UNC80: variants seen among roughly 807,000 people sequenced by gnomAD.
The protein encoded by UNC80 is protein unc-80 homolog.
In UNC80, 164 loss-of-function variants were observed where a neutral mutation model predicts 384.6. The observed-to-expected ratio is 0.43, with a 90% CI of 0.38 to 0.49. UNC80 has a LOEUF of 0.49. Ranked by LOEUF, UNC80 falls within the 20% of genes least tolerant of loss-of-function variation. The probability of loss-of-function intolerance (pLI) is 0.00; values close to 1 mark genes in which losing one functional copy is unlikely to be tolerated. For synonymous variants in UNC80, 1,486 were observed against 1,527.8 expected (o/e 0.97, Z 0.64); for missense variants, 3,330 against 4,143.0 (o/e 0.80, Z 5.39).
intron 47 of UNC80, among the ~76,000 whole-genome samples, chr2:209,949,079 T>A (rs2124987781): frequency 6.6e-6 from 1 of 152,334 alleles, no homozygotes; most frequent in South Asian, 2.1e-4. Flanking sequence ...CATTTTTCAG[T>A]ATTGCTAGAT....
Position 209,956,574 on chromosome 2 carries a change from A to T in UNC80, c.7458-1070A>T, listed in dbSNP as rs190676534. 8.6e-4 allele frequency among the ~76,000 whole-genome samples: 128 copies of T among 149,336 alleles called. 3 individuals carry two copies. The East Asian group carries it at 0.023, about 27-fold the overall frequency. ...GCATCTTGAATCCTTTTTTTTTTAA[A>T]TTTTTTAATTTTTTTTAAATTATAC... is the stretch of plus-strand genomic sequence containing the variant. On this transcript the variant is annotated intron_variant, in intron 48 of 64. Transcript: ENST00000673920.
chr2:209,804,450 CA>C (rs1314763657), intron 7 of UNC80, among the ~76,000 whole-genome samples: 3 of 152,148 alleles, frequency 2.0e-5, no homozygotes, highest in Admixed American at 2.0e-4. Flanking sequence ...TGCTTCCTGC[CA>C]GTAAAGTTTT....
At chr2:209,819,590 A>T (rs1307206447) in intron 12 of UNC80, among the ~76,000 whole-genome samples, 1 of 152,192 alleles carries the variant, frequency 6.6e-6, no homozygotes. Flanking sequence ...AAAATTCTTC[A>T]CTTATTTTAT....
chr2:209,917,915 A>G lies in UNC80; in HGVS notation c.5168A>G (p.Gln1723Arg). 1 of 1,551,722 alleles carries G rather than the reference A, an allele frequency of 6.4e-7. No homozygotes were observed. Among genetic ancestry groups the G allele is most frequent in the Non-Finnish European group, 8.7e-7 (1 of 1,146,990 alleles). Reference sequence around the variant, plus strand: ...CACACGCTCTGGAGGTTTCGCTATCAGGTCTGGCCCCGGATGGAGGAAGGG... The same window carrying G: ...CACACGCTCTGGAGGTTTCGCTATCGGGTCTGGCCCCGGATGGAGGAAGGG... ...KFHTLWRFRY[Q>R]VWPRMEEGAQ... Residue 1723 changes from glutamine to arginine, a missense_variant, in exon 32 of 65, where the codon CAG becomes CGG. Coordinates refer to ENST00000673920, the MANE Select transcript of UNC80 (RefSeq NM_001371986.1).
rs1208917100 is a variant in UNC80 at position 209,955,724 on chromosome 2, TATATATATATATATACACACACACAC to T, written c.7457+1456_7457+1481del. On this transcript the variant is annotated intron_variant, in intron 48 of 64. Transcript: ENST00000673920. The stretch of plus-strand genomic sequence containing the variant: ...ATATATATATATATATATATATATA[TATATATATATATATACACACACACAC>T]ACACACACAGAGAGAGACTGACTCA... Among the ~76,000 whole-genome samples, 250 of 80,846 alleles carry T rather than the reference TATATATATATATATACACACACACAC, an allele frequency of 3.1e-3. 6 individuals carry two copies. The highest frequency in any genetic ancestry group is 0.02 in the African/African-American group (237 of 11,718). The allele number at this position is 80,846 out of a possible 152,430, so 53.0% of individuals were successfully genotyped here.
rs566507687 is a variant in UNC80 at position 209,958,050 on chromosome 2, G to A, written c.7550+314G>A. Reference sequence around the variant, plus strand: ...TTGTTTCATTTACCTTCAACAAAAGGCAAATAAACAATAATAATCAGGAGG... The same window carrying A: ...TTGTTTCATTTACCTTCAACAAAAGACAAATAAACAATAATAATCAGGAGG... On this transcript the variant is annotated intron_variant, in intron 49 of 64. Coordinates refer to ENST00000673920, the MANE Select transcript of UNC80 (RefSeq NM_001371986.1). Among the ~76,000 whole-genome samples, 24 of 152,054 alleles carry A rather than the reference G, an allele frequency of 1.6e-4. No homozygotes were observed. In the East Asian group the frequency reaches 4.4e-3, roughly 28 times the overall value.
intron 6 of UNC80, among the ~76,000 whole-genome samples, chr2:209,791,609 A>G (rs1262497480): frequency 6.6e-6 from 1 of 152,088 alleles, no homozygotes. Flanking sequence ...TCACAAGGTC[A>G]GGAGATCAAG....
intron 8 of UNC80, 51 bp downstream of exon 8, chr2:209,813,892 G>T: frequency 6.5e-7 from 1 of 1,530,702 alleles, no homozygotes. Flanking sequence ...TTGCCATAAT[G>T]GATTCTTTTT....
intron 22 of UNC80, among the ~76,000 whole-genome samples, chr2:209,855,726 G>C (rs2124850644): frequency 6.9e-6 from 1 of 145,910 alleles, no homozygotes; most frequent in African/African-American, 2.7e-5. Context: ...GTTTTGTCTG[G>C]TTTTGAAATT....
At chr2:209,780,621 G>A (rs1315831106) in intron 4 of UNC80, among the ~76,000 whole-genome samples, 1 of 152,182 alleles carries the variant, frequency 6.6e-6, no homozygotes, top group Non-Finnish European at 1.5e-5. Context: ...CCATCCATTA[G>A]ATGCCAGTAA....
chr2:209,973,597 G>T (rs1188492648), intron 56 of UNC80, among the ~76,000 whole-genome samples: 5 of 152,156 alleles, frequency 3.3e-5, no homozygotes, highest in Admixed American at 3.3e-4. Flanking sequence ...GAGTGTCTGG[G>T]CTTGTAAGGA....
chr2:209,801,377 C>CTT (rs35079056), intron 7 of UNC80, among the ~76,000 whole-genome samples: 185 of 65,814 alleles, frequency 2.8e-3, no homozygotes, highest in African/African-American at 3.6e-3. Context: ...GCAACCCCTG[C>CTT]TTTTTTTTTT....
chr2:209,936,708 A>G lies in UNC80; in HGVS notation c.6274-136A>G, dbSNP rs952798601. The G allele has an allele frequency of 2.1e-5, 13 of 633,928 alleles. No homozygotes were observed. The African/African-American group carries it at 2.2e-4, about 11-fold the overall frequency. 39.3% of individuals were successfully genotyped at this position (633,928 alleles called of 1,614,324 possible). On this transcript the variant is annotated intron_variant, in intron 40 of 64. Transcript: ENST00000673920. The stretch of plus-strand genomic sequence containing the variant: ...CACATATCTAACGTATACAGTTTAC[A>G]TAAGACATCAATATATACAGATAAT...
intron 7 of UNC80, among the ~76,000 whole-genome samples, chr2:209,799,540 C>T (rs574976706): frequency 2.4e-4 from 36 of 152,266 alleles, no homozygotes; most frequent in South Asian, 4.1e-4. Flanking sequence ...GAGTTCCTCT[C>T]TTCCTATTTT....
intron 47 of UNC80, among the ~76,000 whole-genome samples, chr2:209,949,571 G>A (rs1337768013): frequency 6.6e-6 from 1 of 151,976 alleles, no homozygotes; most frequent in Admixed American, 6.6e-5. Flanking sequence ...TCTGCCTCCT[G>A]GGTTCAAGCA....
chr2:209,895,557 G>A (rs1233848037), intron 27 of UNC80, among the ~76,000 whole-genome samples: 1 of 152,038 alleles, frequency 6.6e-6, no homozygotes, highest in African/African-American at 2.4e-5. Context: ...ATTATCATCA[G>A]TTAATTTGGG....
intron 36 of UNC80, among the ~76,000 whole-genome samples, chr2:209,928,045 A>G (rs1274652899): frequency 6.6e-6 from 1 of 152,174 alleles, no homozygotes; most frequent in East Asian, 1.9e-4. Context: ...TTTAAAATAC[A>G]TGTAAGTAGA....
chr2:209,917,715 C>G, intron 31 of UNC80, 62 bp from the exon 32 acceptor site: 1 of 1,526,854 alleles, frequency 6.5e-7, no homozygotes, highest in African/African-American at 1.4e-5. Flanking sequence ...CCACTTCTCC[C>G]CAACCCCAGG....
chr2:209,956,703 C>T (rs2092431951), intron 48 of UNC80, among the ~76,000 whole-genome samples: 1 of 152,200 alleles, frequency 6.6e-6, no homozygotes, highest in South Asian at 2.1e-4. Context: ...TCAAATCTCT[C>T]TGCCCTAGCC....
Sources: allele counts gnomAD v4.1 joint callset (sites outside exome capture counted in the v4.1 genomes callset), GRCh38; gene constraint gnomAD v4.1.1; transcripts MANE v1.5; gene names NCBI Gene and HGNC (gene_info 2026-07-23, HGNC 2026-07-21).